The following TAFA1 variants were observed in gnomAD, a reference collection of about 807,000 sequenced individuals.
TAFA1 encodes the protein TAFA chemokine like family member 1, also known as chemokine-like protein TAFA-1.
A neutral mutation model predicts 18.5 loss-of-function variants in TAFA1; 4 were observed. The observed-to-expected ratio is 0.22, with a 90% confidence interval of 0.11 to 0.49. The LOEUF is 0.49. Ranked by LOEUF, TAFA1 falls within the 20% of genes least tolerant of loss-of-function variation. The pLI, the probability that TAFA1 is intolerant of heterozygous loss-of-function variation, is 0.98. For synonymous variants in TAFA1, 56 were observed against 55.2 expected, an observed-to-expected ratio of 1.01 and a Z score of -0.06; for missense variants, 147 against 169.0, an observed-to-expected ratio of 0.87 and a Z score of 0.72.
chr3:68,148,500 C>G (rs1476996201), intron 2 of TAFA1, among the ~76,000 whole-genome samples: 1 of 152,154 alleles, frequency 6.6e-6, no homozygotes, highest in Non-Finnish European at 1.5e-5. Context: ...TGTAACAGTT[C>G]ACACCAGGCC....
At chr3:68,329,050 C>G (rs1200188779) in intron 2 of TAFA1, among the ~76,000 whole-genome samples, 1 of 150,578 alleles carries the variant, frequency 6.6e-6, no homozygotes, top group Non-Finnish European at 1.5e-5. Context: ...CCCAAGCCTC[C>G]TTAGAGAAGT....
chr3:68,221,512 T>C, intron 2 of TAFA1, among the ~76,000 whole-genome samples: 1 of 152,204 alleles, frequency 6.6e-6, no homozygotes, highest in East Asian at 1.9e-4. Context: ...TTTTTTTAAA[T>C]GTCACAGACA....
At chr3:68,169,343 A>G (rs1418720783) in intron 2 of TAFA1, among the ~76,000 whole-genome samples, 1 of 152,244 alleles carries the variant, frequency 6.6e-6, no homozygotes, top group East Asian at 1.9e-4. Context: ...GCTAGTGCCG[A>G]ACTGCCAGCT....
intron 3 of TAFA1, among the ~76,000 whole-genome samples, chr3:68,490,528 A>G (rs1480625269): frequency 7.2e-5 from 11 of 152,194 alleles, no homozygotes; most frequent in Non-Finnish European, 8.8e-5. Context: ...TGCTTCAAGC[A>G]AGACAACATA....
intron 2 of TAFA1, among the ~76,000 whole-genome samples, chr3:68,290,884 T>A (rs181984454): frequency 1.4e-5 from 2 of 145,824 alleles, no homozygotes; most frequent in Non-Finnish European, 3.0e-5. Context: ...TCAAAGTGGA[T>A]TTAATCCTTT....
intron 2 of TAFA1, among the ~76,000 whole-genome samples, chr3:68,271,622 A>G (rs776747929): frequency 3.9e-5 from 6 of 152,124 alleles, no homozygotes; most frequent in African/African-American, 1.4e-4. Flanking sequence ...CAAAGTTATG[A>G]TGTTGAGAAA....
At chr3:68,000,872 G>A (rs986199036), upstream of TAFA1, among the ~76,000 whole-genome samples, 1 of 152,140 alleles carries the variant, frequency 6.6e-6, no homozygotes, top group East Asian at 1.9e-4. Context: ...TATGGGGAGG[G>A]ACATGGCCAG....
At chr3:68,343,788 A>T (rs2069122774) in intron 2 of TAFA1, among the ~76,000 whole-genome samples, 2 of 152,294 alleles carry the variant, frequency 1.3e-5, no homozygotes, top group South Asian at 4.1e-4. Flanking sequence ...ATATAGAACA[A>T]GAAAAAAGAA....
intron 3 of TAFA1, among the ~76,000 whole-genome samples, chr3:68,478,354 C>A (rs1401917801): frequency 1.3e-5 from 2 of 152,130 alleles, no homozygotes; most frequent in African/African-American, 4.8e-5. Flanking sequence ...ATCTGGAAGA[C>A]TTTCAGCAAT....
chr3:68,484,915 G>T (rs2072308992), intron 3 of TAFA1, among the ~76,000 whole-genome samples: 1 of 152,052 alleles, frequency 6.6e-6, no homozygotes, highest in South Asian at 2.1e-4. Flanking sequence ...CAGGGAAAAG[G>T]GAAACAATTT....
In TAFA1 at chr3:68,544,682, C is replaced by T. The variant is rs1575968094; in HGVS notation, c.*179C>T. On this transcript the variant is annotated 3_prime_UTR_variant, in exon 5 of 5. Transcript: ENST00000478136. ...AATATCCTACAGTGAGAAGACACAG[C>T]GTTTTGGCAACACCATGGAAAGTGG... 9 of 592,390 alleles carry T rather than the reference C, an allele frequency of 1.5e-5. No individual in the cohort carries two copies. The highest frequency in any genetic ancestry group is 1.1e-4 in the South Asian group (4 of 37,888). 36.7% of individuals were successfully genotyped at this position (592,390 alleles called of 1,614,324 possible).
intron 3 of TAFA1, among the ~76,000 whole-genome samples, chr3:68,448,557 T>C (rs2071512244): frequency 6.6e-6 from 1 of 152,136 alleles, no homozygotes; most frequent in South Asian, 2.1e-4. Context: ...TCTTTCATAA[T>C]TGAAGGAGAT....
chr3:68,412,138 G>T (rs2070730714), intron 2 of TAFA1, among the ~76,000 whole-genome samples: 1 of 152,128 alleles, frequency 6.6e-6, no homozygotes. Context: ...ATGGCCTGGG[G>T]TCATTGACTT....
chr3:68,402,987 C>T (rs574413049), intron 2 of TAFA1, among the ~76,000 whole-genome samples: 14 of 152,142 alleles, frequency 9.2e-5, no homozygotes, highest in Non-Finnish European at 2.1e-4. Flanking sequence ...TTTCAGTTAA[C>T]GACAGACCTA....
At chr3:68,093,509 G>T (rs976974237) in intron 2 of TAFA1, among the ~76,000 whole-genome samples, 6 of 151,980 alleles carry the variant, frequency 3.9e-5, no homozygotes, top group African/African-American at 1.4e-4. Context: ...GAAACTTTTA[G>T]ATCTTTCTTA....
chr3:68,408,653 C>T (rs2070656738), intron 2 of TAFA1, among the ~76,000 whole-genome samples: 1 of 151,906 alleles, frequency 6.6e-6, no homozygotes, highest in Admixed American at 6.6e-5. Context: ...TTTCATTATT[C>T]AGTCATTTAA....
intron 3 of TAFA1, among the ~76,000 whole-genome samples, chr3:68,437,550 C>T (rs1032584135): frequency 2.0e-5 from 3 of 152,080 alleles, no homozygotes; most frequent in African/African-American, 7.2e-5. Context: ...CAGGGCATAA[C>T]ATGGCAAGGG....
At chr3:68,252,659 G>A (rs2067220553) in intron 2 of TAFA1, among the ~76,000 whole-genome samples, 1 of 152,126 alleles carries the variant, frequency 6.6e-6, no homozygotes, top group Non-Finnish European at 1.5e-5. Flanking sequence ...AGTACTTTCT[G>A]AAGCCAAACT....
intron 2 of TAFA1, among the ~76,000 whole-genome samples, chr3:68,037,867 G>T (rs993263504): frequency 6.6e-6 from 1 of 152,086 alleles, no homozygotes. Context: ...ATATTTTCAC[G>T]GCATGCCATT....
Sources: allele counts gnomAD v4.1 joint callset (sites outside exome capture counted in the v4.1 genomes callset), GRCh38; gene constraint gnomAD v4.1.1; transcripts MANE v1.5; gene names NCBI Gene and HGNC (gene_info 2026-07-23, HGNC 2026-07-21).